Variants in FLT1 observed in about 807,000 individuals in gnomAD.
FLT1 encodes the protein fms related receptor tyrosine kinase 1.
Under a neutral mutation model 156.3 loss-of-function variants are expected in FLT1, and 49 were observed. That is an observed-to-expected ratio of 0.31 (90% confidence interval 0.25 to 0.40). The LOEUF (loss-of-function observed/expected upper bound fraction) is 0.40, where lower values mean the gene tolerates loss of function less well. FLT1 is among the 10% of genes least tolerant of loss of function. FLT1 has a pLI of 1.00. For synonymous variants in FLT1, 594 were observed against 583.8 expected, an observed-to-expected ratio of 1.02 and a Z score of -0.25; for missense variants, 1,322 against 1,637.2, an observed-to-expected ratio of 0.81 and a Z score of 3.32.
intron 28 of FLT1, 127 bp downstream of exon 28, chr13:28,308,716 T>C (rs1870856242): frequency 1.4e-6 from 1 of 724,290 alleles, no homozygotes; most frequent in Non-Finnish European, 2.6e-6. Flanking sequence ...CACACTGTCA[T>C]TTCAGCCACT....
At chr13:28,369,569 A>G (rs1281125533) in intron 14 of FLT1, among the ~76,000 whole-genome samples, 1 of 152,178 alleles carries the variant, frequency 6.6e-6, no homozygotes, top group Non-Finnish European at 1.5e-5. Flanking sequence ...CATAAATGAC[A>G]CTAAAAAGAT....
chr13:28,448,732 ATGGGTG>A (rs1485657977), intron 3 of FLT1, among the ~76,000 whole-genome samples: 1 of 152,138 alleles, frequency 6.6e-6, no homozygotes, highest in Non-Finnish European at 1.5e-5. Context: ...ATCATTTTAA[ATGGGTG>A]TGGTATGTAA....
intron 1 of FLT1, among the ~76,000 whole-genome samples, chr13:28,493,089 A>G (rs1333969976): frequency 2.6e-5 from 4 of 152,240 alleles, no homozygotes; most frequent in Non-Finnish European, 4.4e-5. Context: ...AAAGAAAACG[A>G]TGCTTCACTA....
intron 27 of FLT1, 35 bp downstream of exon 27, chr13:28,311,555 A>G: frequency 6.4e-7 from 1 of 1,569,758 alleles, no homozygotes; most frequent in Non-Finnish European, 8.7e-7. Flanking sequence ...TTGTTGGAAA[A>G]TTCTGTGATA....
At chr13:28,304,661 A>G (rs1223689257) in intron 29 of FLT1, among the ~76,000 whole-genome samples, 2 of 152,022 alleles carry the variant, frequency 1.3e-5, no homozygotes, top group African/African-American at 2.4e-5. Flanking sequence ...TCATCCCCCA[A>G]AACGCACACC....
At chr13:28,399,041 G>C (rs1875254726) in intron 11 of FLT1, 2 of 1,545,092 alleles carry the variant, frequency 1.3e-6, no homozygotes, top group African/African-American at 1.4e-5. Context: ...CACCCGTTTA[G>C]AGTCACGGAA....
chr13:28,410,901 AT>A (rs2137503658), intron 10 of FLT1, among the ~76,000 whole-genome samples: 1 of 152,318 alleles, frequency 6.6e-6, no homozygotes, highest in Admixed American at 6.5e-5. Context: ...ACTCTTCACT[AT>A]CCCAGAGCTC....
intron 14 of FLT1, among the ~76,000 whole-genome samples, chr13:28,360,799 AAAT>A (rs927988856): frequency 9.2e-5 from 14 of 152,290 alleles, no homozygotes; most frequent in African/African-American, 3.4e-4. Context: ...CAACAGCTAA[AAAT>A]AATGCACATT....
intron 3 of FLT1, among the ~76,000 whole-genome samples, chr13:28,440,548 T>G (rs1392283446): frequency 6.6e-6 from 1 of 152,204 alleles, no homozygotes; most frequent in Non-Finnish European, 1.5e-5. Context: ...TGCCTCATGG[T>G]ACTGCATAGT....
At chr13:28,362,426 T>C (rs964203936) in intron 14 of FLT1, among the ~76,000 whole-genome samples, 1 of 152,222 alleles carries the variant, frequency 6.6e-6, no homozygotes, top group Non-Finnish European at 1.5e-5. Flanking sequence ...TGAACATTTA[T>C]AAGAGCAGCT....
In FLT1 at chr13:28,308,835, C is replaced by A; in HGVS notation, c.3720+8G>T. 6.3e-7 allele frequency: 1 copy of A among 1,593,340 alleles called. No homozygotes were observed. Among genetic ancestry groups the A allele is most frequent in the Non-Finnish European group, 8.6e-7 (1 of 1,161,080 alleles). ...GGGTGCACTAGGTACCTTAACTTCA[C>A]GACTTACATCAAACATGGAGGTGGC... is the stretch of plus-strand genomic sequence containing the variant. On this transcript the variant is annotated splice_region_variant and intron_variant, in intron 28 of 29. Transcript: ENST00000282397.
chr13:28,306,801 C>G, intron 28 of FLT1, 29 bp from the exon 29 acceptor site: 1 of 1,497,898 alleles, frequency 6.7e-7, no homozygotes, highest in Non-Finnish European at 9.3e-7. Flanking sequence ...AGGTTATACT[C>G]TTGCCTGGCC....
intron 1 of FLT1, among the ~76,000 whole-genome samples, chr13:28,489,262 A>C (rs928796321): frequency 3.3e-5 from 5 of 152,228 alleles, no homozygotes; most frequent in Non-Finnish European, 7.3e-5. Flanking sequence ...TACTGGAATA[A>C]ACTCATGGAA....
intron 3 of FLT1, among the ~76,000 whole-genome samples, chr13:28,451,552 T>C (rs963139641): frequency 2.7e-5 from 4 of 148,198 alleles, no homozygotes; most frequent in African/African-American, 1.0e-4. Context: ...GCAGGGACAC[T>C]GGGGACAGTG....
At chr13:28,461,004 CCAGGCTGGAGTA>C (rs1032080197) in intron 3 of FLT1, among the ~76,000 whole-genome samples, 1 of 151,988 alleles carries the variant, frequency 6.6e-6, no homozygotes, top group Non-Finnish European at 1.5e-5. Flanking sequence ...ACTACGTTGC[CCAGGCTGGAGTA>C]CAGTGGCTAT....
chr13:28,389,726 G>T (rs1331454701), intron 13 of FLT1, 70 bp downstream of exon 13: 2 of 1,612,750 alleles, frequency 1.2e-6, no homozygotes, highest in South Asian at 2.2e-5. Flanking sequence ...ACTTTGTGTG[G>T]TACAATCATT....
intron 14 of FLT1, among the ~76,000 whole-genome samples, chr13:28,380,432 G>A (rs1284705356): frequency 6.6e-6 from 1 of 152,100 alleles, no homozygotes; most frequent in Non-Finnish European, 1.5e-5. Context: ...TATATACATG[G>A]GGAAGATTAT....
chr13:28,383,386 G>A (rs115969052), intron 14 of FLT1, among the ~76,000 whole-genome samples: 1,550 of 152,308 alleles, frequency 0.01, 27 homozygotes, highest in African/African-American at 0.035. Context: ...ACCTAGAGCC[G>A]GGTGTGGTGG....
At chr13:28,463,488 G>GT (rs1374928986) in intron 3 of FLT1, among the ~76,000 whole-genome samples, 2 of 152,192 alleles carry the variant, frequency 1.3e-5, no homozygotes, top group Non-Finnish European at 1.5e-5. Context: ...CAAAAGATGT[G>GT]TTTACATAGG....
Sources: allele counts gnomAD v4.1 joint callset (sites outside exome capture counted in the v4.1 genomes callset), GRCh38; gene constraint gnomAD v4.1.1; transcripts MANE v1.5; gene names NCBI Gene and HGNC (gene_info 2026-07-23, HGNC 2026-07-21).